Variants in HERC1 observed in about 807,000 individuals in gnomAD.
HERC1 encodes the protein HECT and RLD domain containing E3 ubiquitin protein ligase family member 1.
A neutral mutation model predicts 554.3 loss-of-function variants in HERC1; 160 were observed. The observed-to-expected ratio is 0.29, with a 90% confidence interval of 0.25 to 0.33. The LOEUF is 0.33. Ranked by LOEUF, HERC1 falls within the 10% of genes least tolerant of loss-of-function variation. HERC1 has a pLI of 1.00. For synonymous variants in HERC1, 2,175 were observed against 2,131.7 expected (o/e 1.02, Z -0.56); for missense variants, 4,919 against 5,918.5 (o/e 0.83, Z 5.54).
intron 1 of HERC1, among the ~76,000 whole-genome samples, chr15:63,791,687 C>G (rs907716114): frequency 1.6e-4 from 24 of 152,260 alleles, no homozygotes; most frequent in African/African-American, 5.3e-4. Context: ...CACTTAAAAT[C>G]AATTCGATGT....
At position 63,775,218 on chromosome 15, in the gene HERC1, T is replaced by C. The variant is rs1347730269; in HGVS notation, c.406A>G (p.Ser136Gly). ...KVKQQQHSPE[S>G]SSGSADVHSV... ...TGGACATCTGCTGAACCAGAACTGC[T>C]CTCCGGAGAATGCTGCTGCTGCTTC... is the stretch of plus-strand genomic sequence containing the variant. The change falls in exon 2 of 78, where the codon AGC becomes GGC. Residue 136 changes from serine to glycine, a missense_variant. By Grantham distance (56) the Ser-to-Gly change is moderately conservative. Transcript: ENST00000443617. The surrounding 1 kb of genome is among the most constrained non-coding windows in gnomAD (Gnocchi z 4.0). The C allele has an allele frequency of 1.2e-6, 2 of 1,613,970 alleles. No homozygotes were observed. Among genetic ancestry groups the C allele is most frequent in the Admixed American group, 3.3e-5 (2 of 60,022 alleles).
chr15:63,692,739 A>C lies in HERC1; in HGVS notation c.5675-173T>G, dbSNP rs1161940283. ...AGAATGGGGAAAGGTCAGAAAACAAAGCCTAAACTTGAAACGCCTTTTACA... is the reference window on the plus strand; with the variant it reads ...AGAATGGGGAAAGGTCAGAAAACAACGCCTAAACTTGAAACGCCTTTTACA... On this transcript the variant is annotated intron_variant, in intron 30 of 77. Coordinates refer to ENST00000443617, the MANE Select transcript of HERC1 (RefSeq NM_003922.4). This position sits in a 1 kb window ranked among gnomAD's most constrained non-coding sequence, Gnocchi z 4.7. 6.6e-6 allele frequency among the ~76,000 whole-genome samples: 1 copy of C among 152,204 alleles called. No homozygotes were observed. Among genetic ancestry groups the C allele is most frequent in the African/African-American group, 2.4e-5 (1 of 41,456 alleles).
intron 37 of HERC1, among the ~76,000 whole-genome samples, chr15:63,676,547 A>G (rs1363143563): frequency 6.6e-6 from 1 of 152,054 alleles, no homozygotes; most frequent in Non-Finnish European, 1.5e-5. Context: ...ACTTGAGGTC[A>G]GGAGTTCAAG....
At chr15:63,624,688 C>A (rs1274883848) in intron 71 of HERC1, among the ~76,000 whole-genome samples, 2 of 151,918 alleles carry the variant, frequency 1.3e-5, no homozygotes, top group African/African-American at 2.4e-5. Context: ...GAGTGAGACC[C>A]TGTCTCAATA....
rs1566965673 is a variant in HERC1, at chr15:63,642,941, A to G, written c.11433+16T>C. 8 of 1,430,270 alleles carry G rather than the reference A, an allele frequency of 5.6e-6. No homozygotes were observed. Among genetic ancestry groups the G allele is most frequent in the East Asian group, 2.3e-5 (1 of 44,002 alleles). The allele number at this position is 1,430,270 out of a possible 1,614,324, so 88.6% of individuals were successfully genotyped here. On this transcript the variant is annotated intron_variant, in intron 59 of 77. Coordinates refer to ENST00000443617, the MANE Select transcript of HERC1 (RefSeq NM_003922.4). ...ACAAGCTTACACCCTATCATTTGAT[A>G]TAACTACAATATTACCTTTGATCTA...
At chr15:63,663,582 G>A (rs180822944) in intron 43 of HERC1, among the ~76,000 whole-genome samples, 1 of 152,282 alleles carries the variant, frequency 6.6e-6, no homozygotes. Context: ...CAGCCTCTGA[G>A]TAGCTAGGAC....
Position 63,694,244 on chromosome 15 carries a change from AG to A in HERC1, c.5480+67del. 6.4e-7 allele frequency: 1 copy of A among 1,566,834 alleles called. No individual in the cohort carries two copies. Among genetic ancestry groups the A allele is most frequent in the Non-Finnish European group, 8.7e-7 (1 of 1,154,438 alleles). On this transcript the variant is annotated intron_variant, in intron 29 of 77. Coordinates refer to ENST00000443617, the MANE Select transcript of HERC1 (RefSeq NM_003922.4). This position sits in a 1 kb window ranked among gnomAD's most constrained non-coding sequence, Gnocchi z 4.3. The stretch of plus-strand genomic sequence containing the variant: ...AATACATAAAGCAGATTAGAGGGAA[AG>A]GGGGAATTCTAAAATGGAGGAAGAC...
chr15:63,738,123 T>C (rs760200693), intron 12 of HERC1, among the ~76,000 whole-genome samples: 1 of 152,254 alleles, frequency 6.6e-6, no homozygotes. Context: ...CCTCATGTAA[T>C]AACATACCAA....
At chr15:63,689,764 T>C (rs897824388) in intron 32 of HERC1, 65 bp from the exon 33 acceptor site, 5 of 956,434 alleles carry the variant, frequency 5.2e-6, no homozygotes, top group Admixed American at 2.5e-5. Context: ...TTAGAAAAGC[T>C]GTATCATGTT....
chr15:63,679,619 T>C lies in HERC1; in HGVS notation c.6549+458A>G, dbSNP rs188111195. 2.3e-3 allele frequency among the ~76,000 whole-genome samples: 349 copies of C among 152,240 alleles called. 1 individual carries two copies. The highest frequency in any genetic ancestry group is 7.9e-3 in the African/African-American group (329 of 41,536). ...GAAAGAGAAAGTTTACAATGGAGGG[T>C]ATCCTATTAATACTGTTGTCATGAA... On this transcript the variant is annotated intron_variant, in intron 36 of 77. Coordinates refer to ENST00000443617, the MANE Select transcript of HERC1 (RefSeq NM_003922.4).
chr15:63,638,281 C>A (rs1314003125), intron 63 of HERC1, 130 bp downstream of exon 63: 2 of 964,802 alleles, frequency 2.1e-6, no homozygotes, highest in Admixed American at 2.6e-5. Flanking sequence ...AGCTATATAT[C>A]ATGACTTTCT....
rs551615917 is a variant in HERC1 at position 63,804,593 on chromosome 15, A to C, written c.-26-28944T>G. 6.6e-5 allele frequency among the ~76,000 whole-genome samples: 10 copies of C among 152,258 alleles called. No individual in the cohort carries two copies. The South Asian group carries it at 1.7e-3, about 25-fold the overall frequency. ...AAGAGCAAAACTGTCTCAAAAAAAAAAACAACACTGTTAAGAAAATGAAAA... is the reference window on the plus strand; with the variant it reads ...AAGAGCAAAACTGTCTCAAAAAAAACAACAACACTGTTAAGAAAATGAAAA... On this transcript the variant is annotated intron_variant, in intron 1 of 77. Coordinates refer to ENST00000443617, the MANE Select transcript of HERC1 (RefSeq NM_003922.4).
At chr15:63,742,985 C>T (rs2074873349) in intron 12 of HERC1, among the ~76,000 whole-genome samples, 1 of 152,112 alleles carries the variant, frequency 6.6e-6, no homozygotes, top group African/African-American at 2.4e-5. Context: ...GTAATACTGG[C>T]CTCACAAAAT....
intron 2 of HERC1, among the ~76,000 whole-genome samples, chr15:63,767,646 C>G (rs1050593669): frequency 4.6e-5 from 7 of 152,034 alleles, no homozygotes; most frequent in Non-Finnish European, 5.9e-5. Flanking sequence ...TGCAGTCAGC[C>G]GAGATCGCCC....
chr15:63,680,025 C>T lies in HERC1; in HGVS notation c.6549+52G>A, dbSNP rs1303034630. The T allele has an allele frequency of 7.8e-7, 1 of 1,289,836 alleles. No individual in the cohort carries two copies. The highest frequency in any genetic ancestry group is 1.3e-5 in the South Asian group (1 of 79,082). The allele number at this position is 1,289,836 out of a possible 1,614,324, so 79.9% of individuals were successfully genotyped here. ...TTATATTTATAAACTCTATCTGATG[C>T]TAAACAATAAAATAACAAATATTCT... On this transcript the variant is annotated intron_variant, in intron 36 of 77. Coordinates refer to ENST00000443617, the MANE Select transcript of HERC1 (RefSeq NM_003922.4). This position sits in a 1 kb window ranked among gnomAD's most constrained non-coding sequence, Gnocchi z 5.8.
intron 67 of HERC1, among the ~76,000 whole-genome samples, chr15:63,633,211 G>A (rs1018533528): frequency 1.3e-5 from 2 of 152,204 alleles, no homozygotes; most frequent in Non-Finnish European, 2.9e-5. Context: ...CTCTGCATAC[G>A]TAGCTTAATA....
chr15:63,833,116 T>A (rs975739802), intron 1 of HERC1, among the ~76,000 whole-genome samples: 1 of 152,176 alleles, frequency 6.6e-6, no homozygotes, highest in African/African-American at 2.4e-5. Flanking sequence ...CAGAACAGAT[T>A]TCACCATGTT....
Position 63,771,517 on chromosome 15 carries a change from A to G in HERC1, c.930+3177T>C, listed in dbSNP as rs572404412. Among the ~76,000 whole-genome samples, 5 of 150,328 alleles carry G rather than the reference A, an allele frequency of 3.3e-5. No individual in the cohort carries two copies. The East Asian group carries it at 7.9e-4, about 24-fold the overall frequency. On this transcript the variant is annotated intron_variant, in intron 2 of 77. Coordinates refer to ENST00000443617, the MANE Select transcript of HERC1 (RefSeq NM_003922.4). ...GCGATCTCAGCTCACTGCAACCTCCACCTCCCAGGTTCAAGCGATTCTCCC... is the reference window on the plus strand; with the variant it reads ...GCGATCTCAGCTCACTGCAACCTCCGCCTCCCAGGTTCAAGCGATTCTCCC...
At chr15:63,654,064 A>C in intron 51 of HERC1, 55 bp downstream of exon 51, 1 of 1,376,406 alleles carries the variant, frequency 7.3e-7, no homozygotes, top group South Asian at 1.2e-5. Flanking sequence ...AGAAGAGAAG[A>C]GACTATTTCA....
Sources: allele counts gnomAD v4.1 joint callset (sites outside exome capture counted in the v4.1 genomes callset), GRCh38; gene constraint gnomAD v4.1.1; non-coding constraint Gnocchi (gnomAD v3.1); transcripts MANE v1.5; gene names NCBI Gene and HGNC (gene_info 2026-07-23, HGNC 2026-07-21).